The following PARD3B variants were observed in gnomAD, a reference collection of about 807,000 sequenced individuals.
PARD3B encodes the protein par-3 family cell polarity regulator beta.
PARD3B carries 103 observed loss-of-function variants against 130.2 expected under a neutral mutation model. The ratio of observed to expected loss-of-function variants is 0.79; its 90% confidence interval spans 0.67 to 0.93. PARD3B has a LOEUF of 0.93. Among genes scored for constraint, PARD3B ranks in the 40% least tolerant of loss-of-function variants. The pLI is 0.00. For synonymous variants in PARD3B, 583 were observed against 553.2 expected (o/e 1.05, Z -0.76); for missense variants, 1,609 against 1,499.2 (o/e 1.07, Z -1.21).
At chr2:204,682,465 AT>A (rs528723633) in intron 1 of PARD3B, among the ~76,000 whole-genome samples, 129 of 152,236 alleles carry the variant, frequency 8.5e-4, no homozygotes, top group Non-Finnish European at 1.4e-3. Flanking sequence ...GTAAAATCTC[AT>A]TTTGTGGATA....
chr2:204,561,215 T>G (rs2031287023), intron 1 of PARD3B, among the ~76,000 whole-genome samples: 1 of 152,198 alleles, frequency 6.6e-6, no homozygotes, highest in Non-Finnish European at 1.5e-5. Context: ...AGCATTGGAT[T>G]AGAGCCTTGA....
chr2:204,706,469 T>G (rs1230794456), intron 2 of PARD3B, among the ~76,000 whole-genome samples: 1 of 151,806 alleles, frequency 6.6e-6, no homozygotes, highest in African/African-American at 2.4e-5. Flanking sequence ...AAAATGCCAG[T>G]GACAACTGAT....
chr2:204,999,234 C>T (rs568255018), intron 3 of PARD3B, among the ~76,000 whole-genome samples: 231 of 151,848 alleles, frequency 1.5e-3, no homozygotes, highest in Non-Finnish European at 2.4e-3. Context: ...AATTCATTAT[C>T]GTTGTCATCA....
intron 22 of PARD3B, among the ~76,000 whole-genome samples, chr2:205,581,267 G>GATAGATATAGAT (rs1553552273): frequency 9.1e-6 from 1 of 109,742 alleles, no homozygotes; most frequent in African/African-American, 3.6e-5. Context: ...TATAGATATA[G>GATAGATATAGAT]ATAGATAGAT....
chr2:205,562,213 A>T lies in PARD3B; in HGVS notation c.3260+8810A>T, dbSNP rs1248422361. On this transcript the variant is annotated intron_variant, in intron 22 of 22. Coordinates refer to ENST00000406610, the MANE Select transcript of PARD3B (RefSeq NM_001302769.2). This position sits in a 1 kb window ranked among gnomAD's most constrained non-coding sequence, Gnocchi z 5.4. ...GTCCATTTTAATCAAACTTTTCATC[A>T]TTTCCTCGTAGCCAATATATCCTTG... is the stretch of plus-strand genomic sequence containing the variant. Among the ~76,000 whole-genome samples the T allele has an allele frequency of 6.6e-6, 1 of 152,178 alleles. No homozygotes were observed. The highest frequency in any genetic ancestry group is 1.5e-5 in the Non-Finnish European group (1 of 68,028).
chr2:204,548,567 A>G lies in PARD3B; in HGVS notation c.120+2448A>G, dbSNP rs202055644. 5.9e-5 allele frequency among the ~76,000 whole-genome samples: 9 copies of G among 152,310 alleles called. No individual in the cohort carries two copies. In the East Asian group the frequency reaches 7.7e-4, roughly 13 times the overall value. Reference sequence around the variant, plus strand: ...TTAACTGCATAGCCTAGTACTATGTATGTTGTTATGAATTGGAATTTATCC... The same window carrying G: ...TTAACTGCATAGCCTAGTACTATGTGTGTTGTTATGAATTGGAATTTATCC... On this transcript the variant is annotated intron_variant, in intron 1 of 22. Coordinates refer to ENST00000406610, the MANE Select transcript of PARD3B (RefSeq NM_001302769.2).
Position 204,921,934 on chromosome 2 carries a change from T to C in PARD3B, c.223-43218T>C, listed in dbSNP as rs545314428. ...TAAAATCTGCAGAGTTGTACAACTG[T>C]TGGGATGTTGCAGGCTGGGGGTGTG... On this transcript the variant is annotated intron_variant, in intron 2 of 22. Transcript: ENST00000406610. 2.0e-5 allele frequency among the ~76,000 whole-genome samples: 3 copies of C among 152,120 alleles called. No individual in the cohort carries two copies. The East Asian group carries it at 5.8e-4, about 29-fold the overall frequency.
chr2:204,706,344 GC>G (rs1202053251), intron 2 of PARD3B, among the ~76,000 whole-genome samples: 4 of 150,864 alleles, frequency 2.7e-5, no homozygotes, highest in African/African-American at 9.8e-5. Context: ...TCCAGCCTGG[GC>G]GACAGAGTGA....
At chr2:205,055,062 T>C (rs1699548223) in intron 4 of PARD3B, among the ~76,000 whole-genome samples, 1 of 152,144 alleles carries the variant, frequency 6.6e-6, no homozygotes, top group Non-Finnish European at 1.5e-5. Context: ...GGCCAGTGTA[T>C]TCGTTTTTGT....
At chr2:204,804,336 G>T (rs1048178759) in intron 2 of PARD3B, among the ~76,000 whole-genome samples, 19 of 151,962 alleles carry the variant, frequency 1.3e-4, no homozygotes, top group African/African-American at 4.6e-4. Context: ...AAGCAAAAAA[G>T]AACAGGAATA....
chr2:204,814,000 G>C (rs1343868321), intron 2 of PARD3B, among the ~76,000 whole-genome samples: 2 of 151,938 alleles, frequency 1.3e-5, no homozygotes, highest in Non-Finnish European at 2.9e-5. Flanking sequence ...CTGCAGCAGT[G>C]CCTGCTGGGA....
chr2:205,544,051 A>G (rs1460464784), intron 21 of PARD3B, among the ~76,000 whole-genome samples: 1 of 152,176 alleles, frequency 6.6e-6, no homozygotes, highest in South Asian at 2.1e-4. Context: ...TAACACTGTC[A>G]CAGAGTGTAC....
chr2:205,029,033 A>C (rs1697235152), intron 3 of PARD3B, among the ~76,000 whole-genome samples: 1 of 152,112 alleles, frequency 6.6e-6, no homozygotes, highest in South Asian at 2.1e-4. Flanking sequence ...CAAGAATATG[A>C]AGCAGGAAAG....
At chr2:205,320,158 T>C (rs2042699220) in intron 18 of PARD3B, among the ~76,000 whole-genome samples, 1 of 86,398 alleles carries the variant, frequency 1.2e-5, no homozygotes, top group Admixed American at 1.9e-4. Context: ...AGAGTGAGAC[T>C]CCATCAGAAA....
chr2:204,790,494 C>T (rs1225179175), intron 2 of PARD3B, among the ~76,000 whole-genome samples: 10 of 152,086 alleles, frequency 6.6e-5, no homozygotes, highest in Non-Finnish European at 8.8e-5. Flanking sequence ...GAGATTAAGA[C>T]GTGGTGTGTT....
chr2:204,782,915 T>G (rs1233664179), intron 2 of PARD3B, among the ~76,000 whole-genome samples: 1 of 152,042 alleles, frequency 6.6e-6, no homozygotes, highest in East Asian at 1.9e-4. Flanking sequence ...GACAAGAAAG[T>G]GGGTTTTCTG....
intron 2 of PARD3B, among the ~76,000 whole-genome samples, chr2:204,704,322 C>T (rs970355494): frequency 1.3e-5 from 2 of 152,098 alleles, no homozygotes; most frequent in Non-Finnish European, 2.9e-5. Flanking sequence ...TAAAGATGAA[C>T]GTTGAAACTG....
rs998301232 is a variant in PARD3B at position 205,128,138 on chromosome 2, G to T, written c.1434+2401G>T. Among the ~76,000 whole-genome samples, 6 of 152,160 alleles carry T rather than the reference G, an allele frequency of 3.9e-5. No individual in the cohort carries two copies. The highest frequency in any genetic ancestry group is 5.9e-5 in the Non-Finnish European group (4 of 68,032). ...GAGCAAAGAAATAAGTTTTGACTGT[G>T]TATTCCATTGAACTGTGGTCCTGGA... On this transcript the variant is annotated intron_variant, in intron 10 of 22. Coordinates refer to ENST00000406610, the MANE Select transcript of PARD3B (RefSeq NM_001302769.2). This position sits in a 1 kb window ranked among gnomAD's most constrained non-coding sequence, Gnocchi z 4.5.
chr2:205,129,166 G>T (rs2125641525), intron 10 of PARD3B, among the ~76,000 whole-genome samples: 1 of 152,298 alleles, frequency 6.6e-6, no homozygotes, highest in Non-Finnish European at 1.5e-5. Context: ...CAAATATGTG[G>T]AATTTTCTTT....
Sources: allele counts gnomAD v4.1 joint callset (sites outside exome capture counted in the v4.1 genomes callset), GRCh38; gene constraint gnomAD v4.1.1; non-coding constraint Gnocchi (gnomAD v3.1); transcripts MANE v1.5; gene names NCBI Gene and HGNC (gene_info 2026-07-23, HGNC 2026-07-21).